DLG2: variants seen among roughly 807,000 people sequenced by gnomAD.
The protein encoded by DLG2 is discs large MAGUK scaffold protein 2, also known as disks large homolog 2.
A neutral mutation model predicts 132.5 loss-of-function variants in DLG2; 45 were observed. The observed-to-expected ratio is 0.34, with a 90% CI of 0.27 to 0.44. The LOEUF is 0.44. DLG2 is among the 20% of genes least tolerant of loss of function. The pLI is 1.00. For missense variants in DLG2, 1,045 were observed against 1,196.9 expected, an observed-to-expected ratio of 0.87 and a Z score of 1.87; for synonymous variants, 424 against 419.6, an observed-to-expected ratio of 1.01 and a Z score of -0.13.
chr11:85,396,053 G>C (rs1370683823), intron 3 of DLG2, among the ~76,000 whole-genome samples: 1 of 152,152 alleles, frequency 6.6e-6, no homozygotes, highest in Non-Finnish European at 1.5e-5. Flanking sequence ...GTTCCTCTGG[G>C]ACGATGCTTC....
At chr11:84,649,556 T>C (rs1204802852) in intron 6 of DLG2, among the ~76,000 whole-genome samples, 4 of 152,214 alleles carry the variant, frequency 2.6e-5, no homozygotes, top group Non-Finnish European at 5.9e-5. Context: ...CTACTCATAG[T>C]GGCTATGATT....
intron 15 of DLG2, among the ~76,000 whole-genome samples, chr11:83,908,428 C>G (rs1565594817): frequency 6.6e-6 from 1 of 151,944 alleles, no homozygotes; most frequent in Non-Finnish European, 1.5e-5. Flanking sequence ...TTATGACTGT[C>G]TTTTTTTCTC....
rs116566924 is a variant in DLG2 at position 85,604,225 on chromosome 11, C to T, written c.-92-5437G>A. On this transcript the variant is annotated intron_variant, in intron 2 of 27. Coordinates refer to ENST00000376104, the MANE Select transcript of DLG2 (RefSeq NM_001142699.3). The stretch of plus-strand genomic sequence containing the variant: ...AAAAGGTCGTATATAATCAAGTCTC[C>T]AAGTTAGGCTTTCACACACCAGCAT... 5.3e-3 allele frequency among the ~76,000 whole-genome samples: 804 copies of T among 152,254 alleles called. 8 individuals carry two copies. The highest frequency in any genetic ancestry group is 0.018 in the African/African-American group (747 of 41,544).
chr11:84,250,008 C>A (rs2097351021), intron 8 of DLG2, among the ~76,000 whole-genome samples: 1 of 151,852 alleles, frequency 6.6e-6, no homozygotes, highest in African/African-American at 2.4e-5. Flanking sequence ...GATTGCAGAA[C>A]CTGCTCAGGA....
At chr11:83,701,031 G>T (rs928205675) in intron 18 of DLG2, among the ~76,000 whole-genome samples, 2 of 152,128 alleles carry the variant, frequency 1.3e-5, no homozygotes, top group African/African-American at 4.8e-5. Flanking sequence ...ACTTGTTTGG[G>T]AAATCGCACA....
chr11:84,368,815 T>G (rs1322185198), intron 7 of DLG2, among the ~76,000 whole-genome samples: 1 of 152,162 alleles, frequency 6.6e-6, no homozygotes, highest in African/African-American at 2.4e-5. Context: ...ATTTTTAATT[T>G]TATGTGTTTG....
chr11:85,602,495 T>G (rs2080238839), intron 2 of DLG2, among the ~76,000 whole-genome samples: 1 of 152,160 alleles, frequency 6.6e-6, no homozygotes. Context: ...GGGCAATCAC[T>G]GCACATTTCA....
intron 6 of DLG2, among the ~76,000 whole-genome samples, chr11:84,925,756 A>G (rs756804714): frequency 6.6e-6 from 1 of 152,150 alleles, no homozygotes; most frequent in East Asian, 1.9e-4. Context: ...CCAGATTCCC[A>G]TTTGTAAAAT....
intron 7 of DLG2, among the ~76,000 whole-genome samples, chr11:84,417,645 C>T (rs767014787): frequency 6.6e-6 from 1 of 152,152 alleles, no homozygotes; most frequent in Non-Finnish European, 1.5e-5. Flanking sequence ...ATCTTCTCTG[C>T]CCACCTTGCC....
At chr11:84,611,988 C>T (rs1437041743) in intron 6 of DLG2, among the ~76,000 whole-genome samples, 8 of 152,074 alleles carry the variant, frequency 5.3e-5, no homozygotes, top group African/African-American at 1.2e-4. Flanking sequence ...TTAAAGTGTA[C>T]AATTTAGAAG....
intron 3 of DLG2, among the ~76,000 whole-genome samples, chr11:85,545,184 G>A (rs914543512): frequency 6.6e-6 from 1 of 152,180 alleles, no homozygotes; most frequent in Non-Finnish European, 1.5e-5. Context: ...AGTTTATTGA[G>A]AGTTTTAGCA....
chr11:85,474,812 A>T (rs910385201), intron 3 of DLG2, among the ~76,000 whole-genome samples: 2 of 151,626 alleles, frequency 1.3e-5, no homozygotes, highest in Non-Finnish European at 3.0e-5. Context: ...TATTTAATTT[A>T]AATTTAAATG....
intron 17 of DLG2, among the ~76,000 whole-genome samples, chr11:83,828,246 A>C (rs1035650577): frequency 6.6e-6 from 1 of 152,216 alleles, no homozygotes; most frequent in Non-Finnish European, 1.5e-5. Flanking sequence ...TATAAAAATT[A>C]GCTGGGCAGA....
chr11:83,790,576 G>T, intron 17 of DLG2: 1 of 1,307,804 alleles, frequency 7.6e-7, no homozygotes, highest in East Asian at 2.3e-5. Context: ...TCAGCCATGT[G>T]GGCTTCTGTG....
chr11:83,480,360 G>A (rs1383443291), intron 22 of DLG2: 1 of 1,533,748 alleles, frequency 6.5e-7, no homozygotes, highest in Non-Finnish European at 8.7e-7. Flanking sequence ...GCAAACCAAA[G>A]CAGTAACTTA....
At chr11:84,138,723 C>A (rs1049355836) in intron 9 of DLG2, among the ~76,000 whole-genome samples, 1 of 152,068 alleles carries the variant, frequency 6.6e-6, no homozygotes, top group Admixed American at 6.5e-5. Context: ...CTGGGGCGGG[C>A]AGATCACTTT....
intron 8 of DLG2, among the ~76,000 whole-genome samples, chr11:84,217,967 A>G (rs2096858098): frequency 6.6e-6 from 1 of 152,172 alleles, no homozygotes; most frequent in South Asian, 2.1e-4. Context: ...CAGGAGTTAG[A>G]GACCAGCCTA....
chr11:83,624,716 A>T (rs1045104067), intron 19 of DLG2, among the ~76,000 whole-genome samples: 1 of 152,228 alleles, frequency 6.6e-6, no homozygotes, highest in Non-Finnish European at 1.5e-5. Context: ...TAAATGTGAC[A>T]CTCAAGTTTT....
intron 7 of DLG2, among the ~76,000 whole-genome samples, chr11:84,324,990 T>G (rs749352391): frequency 2.0e-5 from 3 of 152,140 alleles, no homozygotes; most frequent in Non-Finnish European, 4.4e-5. Flanking sequence ...ACTTCTTCCT[T>G]TCCAATTGAG....
Sources: allele counts gnomAD v4.1 joint callset (sites outside exome capture counted in the v4.1 genomes callset), GRCh38; gene constraint gnomAD v4.1.1; transcripts MANE v1.5; gene names NCBI Gene and HGNC (gene_info 2026-07-23, HGNC 2026-07-21).